The following MAP2K4 variants were observed in gnomAD, a reference collection of about 807,000 sequenced individuals.
MAP2K4 encodes the protein dual specificity mitogen-activated protein kinase kinase 4.
MAP2K4 carries 4 observed loss-of-function variants against 48.5 expected under a neutral mutation model. The ratio of observed to expected loss-of-function variants is 0.08; its 90% CI spans 0.04 to 0.19. The LOEUF is 0.19. Ranked by LOEUF, MAP2K4 falls within the 10% of genes least tolerant of loss-of-function variation. The pLI, the probability that MAP2K4 is intolerant of heterozygous loss-of-function variation, is 1.00. For missense variants in MAP2K4, 258 were observed against 493.3 expected, an observed-to-expected ratio of 0.52 and a Z score of 4.52; for synonymous variants, 166 against 173.1, an observed-to-expected ratio of 0.96 and a Z score of 0.32.
Position 12,113,378 on chromosome 17 carries a change from G to A in MAP2K4, c.813+18G>A. 6.2e-7 allele frequency: 1 copy of A among 1,611,126 alleles called. No homozygotes were observed. The highest frequency in any genetic ancestry group is 8.5e-7 in the Non-Finnish European group (1 of 1,177,964). On this transcript the variant is annotated intron_variant, in intron 7 of 10. Coordinates refer to ENST00000353533, the MANE Select transcript of MAP2K4 (RefSeq NM_003010.4). ...ACATGGCAGTAAGTGTTAAGTCCAG[G>A]CCTTCTTGCTTGATAGTCATTGCAC...
chr17:12,097,881 T>A (rs1471153971), intron 4 of MAP2K4, among the ~76,000 whole-genome samples: 4 of 152,122 alleles, frequency 2.6e-5, no homozygotes, highest in African/African-American at 9.7e-5. Flanking sequence ...GGATAAGATG[T>A]GTGATAAGGT....
intron 7 of MAP2K4, among the ~76,000 whole-genome samples, chr17:12,117,423 C>A (rs1016909254): frequency 2.6e-5 from 4 of 151,892 alleles, no homozygotes; most frequent in African/African-American, 9.7e-5. Flanking sequence ...AAAAAAAAGA[C>A]CCTTGTGGCC....
chr17:12,044,692 A>G (rs1267579117), intron 1 of MAP2K4, among the ~76,000 whole-genome samples: 1 of 152,238 alleles, frequency 6.6e-6, no homozygotes, highest in Admixed American at 6.5e-5. Context: ...CAGTTCAATT[A>G]TCACACAGCT....
chr17:12,045,865 C>T (rs542880697), intron 1 of MAP2K4, among the ~76,000 whole-genome samples: 2 of 152,208 alleles, frequency 1.3e-5, no homozygotes, highest in Admixed American at 6.5e-5. Context: ...CTCACAAGTT[C>T]GAGGCTTAAA....
intron 4 of MAP2K4, among the ~76,000 whole-genome samples, chr17:12,101,052 A>G (rs1490052252): frequency 6.6e-6 from 1 of 151,946 alleles, no homozygotes; most frequent in Non-Finnish European, 1.5e-5. Flanking sequence ...TGGAGAGCAA[A>G]AGTTTTTAAT....
chr17:12,073,720 G>T (rs1184874146), intron 2 of MAP2K4, among the ~76,000 whole-genome samples: 1 of 151,590 alleles, frequency 6.6e-6, no homozygotes, highest in Non-Finnish European at 1.5e-5. Context: ...CATCACCATA[G>T]TCAAGTTAAC....
rs555615040 is a variant in MAP2K4 at position 12,056,467 on chromosome 17, T to G, written c.218+1476T>G. On this transcript the variant is annotated intron_variant, in intron 2 of 10. Transcript: ENST00000353533. ...TTTTTGTTTTGTTCTTAACTAATGT[T>G]TTATAATAAACCTATAGCCAGCTAG... 2.4e-4 allele frequency among the ~76,000 whole-genome samples: 37 copies of G among 152,222 alleles called. No homozygotes were observed. In the South Asian group the frequency reaches 7.0e-3, roughly 29 times the overall value.
chr17:12,098,298 T>C (rs1407890670), intron 4 of MAP2K4, among the ~76,000 whole-genome samples: 1 of 151,872 alleles, frequency 6.6e-6, no homozygotes, highest in Admixed American at 6.6e-5. Context: ...GCCAATATGG[T>C]GACACTGCAT....
At chr17:12,075,263 A>T (rs543662922) in intron 2 of MAP2K4, among the ~76,000 whole-genome samples, 71 of 152,332 alleles carry the variant, frequency 4.7e-4, no homozygotes, top group African/African-American at 1.7e-3. Context: ...AAGGGGGCAG[A>T]TGAGGAAAAG....
chr17:12,035,768 G>A (rs967197150), intron 1 of MAP2K4, among the ~76,000 whole-genome samples: 1 of 152,202 alleles, frequency 6.6e-6, no homozygotes, highest in Non-Finnish European at 1.5e-5. Context: ...AGTCTGATAA[G>A]TCTGAGTACT....
chr17:12,036,325 T>C (rs1378156172), intron 1 of MAP2K4, among the ~76,000 whole-genome samples: 1 of 152,180 alleles, frequency 6.6e-6, no homozygotes, highest in Non-Finnish European at 1.5e-5. Flanking sequence ...GAAGGTTGAT[T>C]AATTTATCTG....
chr17:12,107,382 CTTTTTTTTT>C (rs71367383), intron 4 of MAP2K4, among the ~76,000 whole-genome samples: 1 of 106,408 alleles, frequency 9.4e-6, no homozygotes, highest in Non-Finnish European at 2.0e-5. Flanking sequence ...TGTCTTTTTC[CTTTTTTTTT>C]TTTTTTTTTT....
At chr17:12,038,856 G>A (rs1485658819) in intron 1 of MAP2K4, among the ~76,000 whole-genome samples, 1 of 152,144 alleles carries the variant, frequency 6.6e-6, no homozygotes, top group African/African-American at 2.4e-5. Flanking sequence ...TTTACACGTT[G>A]TAAACCTTAG....
intron 2 of MAP2K4, among the ~76,000 whole-genome samples, chr17:12,068,140 AG>A (rs1480787028): frequency 6.6e-6 from 1 of 152,162 alleles, no homozygotes; most frequent in African/African-American, 2.4e-5. Flanking sequence ...GTTCACATGG[AG>A]GGTGACTGAA....
At chr17:12,099,928 T>TGAATGTA (rs1217464210) in intron 4 of MAP2K4, among the ~76,000 whole-genome samples, 1 of 152,174 alleles carries the variant, frequency 6.6e-6, no homozygotes, top group Non-Finnish European at 1.5e-5. Flanking sequence ...GAGTAACTTG[T>TGAATGTA]GAATGTAGAA....
At chr17:12,113,211 G>T in intron 6 of MAP2K4, 22 bp from the exon 7 acceptor site, 1 of 1,609,552 alleles carries the variant, frequency 6.2e-7, no homozygotes. Context: ...ATTGTATACT[G>T]AATGATATCT....
At chr17:12,069,360 A>C (rs1970714165) in intron 2 of MAP2K4, among the ~76,000 whole-genome samples, 1 of 152,172 alleles carries the variant, frequency 6.6e-6, no homozygotes, top group African/African-American at 2.4e-5. Context: ...AACTGTTCTA[A>C]GGGTAAACTT....
chr17:12,077,098 A>G (rs1971037073), intron 2 of MAP2K4, among the ~76,000 whole-genome samples: 1 of 152,198 alleles, frequency 6.6e-6, no homozygotes, highest in Admixed American at 6.5e-5. Context: ...GAAACATCTT[A>G]GGTGCTCTGC....
At chr17:12,099,226 A>C (rs970696522) in intron 4 of MAP2K4, among the ~76,000 whole-genome samples, 2 of 151,804 alleles carry the variant, frequency 1.3e-5, no homozygotes, top group African/African-American at 4.8e-5. Flanking sequence ...AAAAAAAAAA[A>C]CATGATTTCA....
Sources: allele counts gnomAD v4.1 joint callset (sites outside exome capture counted in the v4.1 genomes callset), GRCh38; gene constraint gnomAD v4.1.1; transcripts MANE v1.5; gene names NCBI Gene and HGNC (gene_info 2026-07-23, HGNC 2026-07-21).